Variants in PTPRN2 observed in about 807,000 individuals in gnomAD.
PTPRN2 encodes receptor-type tyrosine-protein phosphatase N2.
In PTPRN2, 74 loss-of-function variants were observed where a neutral mutation model predicts 118.8. The ratio of observed to expected loss-of-function variants is 0.62; its 90% CI spans 0.52 to 0.76. The LOEUF is 0.76. Ranked by LOEUF, PTPRN2 falls within the 30% of genes least tolerant of loss-of-function variation. The probability of loss-of-function intolerance (pLI) is 0.00; values close to 1 mark genes in which losing one functional copy is unlikely to be tolerated. For synonymous variants in PTPRN2, 641 were observed against 608.0 expected (o/e 1.05, Z -0.80); for missense variants, 1,481 against 1,394.4 (o/e 1.06, Z -0.99).
intron 11 of PTPRN2, among the ~76,000 whole-genome samples, chr7:157,999,267 C>T (rs1470656682): frequency 1.3e-5 from 2 of 152,168 alleles, no homozygotes; most frequent in African/African-American, 4.8e-5. Context: ...GGGTTCTAGT[C>T]GGCTTGTCCA....
intron 2 of PTPRN2, among the ~76,000 whole-genome samples, chr7:158,334,437 C>A (rs1295336183): frequency 1.4e-5 from 1 of 73,788 alleles, no homozygotes; most frequent in Non-Finnish European, 3.0e-5. Flanking sequence ...CTCACACCCA[C>A]ACTCTCACCA....
rs1800490675 is a variant in PTPRN2, at chr7:158,296,262, G to T, written c.277+20557C>A. Among the ~76,000 whole-genome samples, 2 of 152,088 alleles carry T rather than the reference G, an allele frequency of 1.3e-5. 1 individual carries two copies. Among genetic ancestry groups the T allele is most frequent in the South Asian group, 4.1e-4 (2 of 4,824 alleles). ...AGACACAAGGGCTGGATGTCAAGAGGAGCACACCGGCAGAAGAACTCACTG... is the reference window on the plus strand; with the variant it reads ...AGACACAAGGGCTGGATGTCAAGAGTAGCACACCGGCAGAAGAACTCACTG... On this transcript the variant is annotated intron_variant, in intron 3 of 22. Transcript: ENST00000389418.
intron 11 of PTPRN2, among the ~76,000 whole-genome samples, chr7:157,952,478 G>T (rs567416722): frequency 6.6e-6 from 1 of 151,528 alleles, no homozygotes; most frequent in East Asian, 2.0e-4. Context: ...GGGGACACAG[G>T]GAGACAGGCG....
At chr7:158,145,818 G>T (rs1250784752) in intron 6 of PTPRN2, among the ~76,000 whole-genome samples, 1 of 152,144 alleles carries the variant, frequency 6.6e-6, no homozygotes, top group Non-Finnish European at 1.5e-5. Flanking sequence ...GTGCTGCCCT[G>T]CCCTGGGGGA....
intron 14 of PTPRN2, among the ~76,000 whole-genome samples, chr7:157,654,607 G>T (rs892536498): frequency 6.6e-6 from 1 of 152,202 alleles, no homozygotes; most frequent in Non-Finnish European, 1.5e-5. Context: ...CCCCAACAGG[G>T]TGTCTGGAGT....
intron 3 of PTPRN2, among the ~76,000 whole-genome samples, chr7:158,281,381 C>T (rs1320950688): frequency 6.6e-6 from 1 of 152,184 alleles, no homozygotes; most frequent in African/African-American, 2.4e-5. Flanking sequence ...TCCTAAATAA[C>T]AAAGGCAAAT....
chr7:158,295,824 G>C (rs1800464784), intron 3 of PTPRN2, among the ~76,000 whole-genome samples: 1 of 152,264 alleles, frequency 6.6e-6, no homozygotes, highest in Non-Finnish European at 1.5e-5. Flanking sequence ...GGCGCCCGCT[G>C]ACCCTGCCTG....
intron 1 of PTPRN2, among the ~76,000 whole-genome samples, chr7:158,542,835 A>G (rs1826066861): frequency 6.6e-6 from 1 of 152,110 alleles, no homozygotes; most frequent in Non-Finnish European, 1.5e-5. Flanking sequence ...AATGCTGTGG[A>G]ATTCCAAAGC....
intron 3 of PTPRN2, among the ~76,000 whole-genome samples, chr7:158,257,142 G>A (rs1337570598): frequency 1.3e-5 from 2 of 152,186 alleles, no homozygotes; most frequent in African/African-American, 4.8e-5. Context: ...GCTCAAAGAG[G>A]TTTCGAGTAT....
chr7:158,031,653 C>T (rs1384332986), intron 11 of PTPRN2, among the ~76,000 whole-genome samples: 2 of 152,172 alleles, frequency 1.3e-5, no homozygotes, highest in African/African-American at 4.8e-5. Context: ...AGAGGATATT[C>T]TCCAGGAAGA....
chr7:158,509,524 AAGTTAAAGATCAAGGTGACACAGAACCAG>A lies in PTPRN2; in HGVS notation c.113-19768_113-19740del, dbSNP rs1469075639. Among the ~76,000 whole-genome samples, 8 of 152,192 alleles carry A rather than the reference AAGTTAAAGATCAAGGTGACACAGAACCAG, an allele frequency of 5.3e-5. No homozygotes were observed. Among genetic ancestry groups the A allele is most frequent in the Admixed American group, 4.6e-4 (7 of 15,276 alleles). On this transcript the variant is annotated intron_variant, in intron 1 of 22. Transcript: ENST00000389418. The surrounding 1 kb of genome is among the most constrained non-coding windows in gnomAD (Gnocchi z 4.4). ...CCTCATCTCTTCTTTCTAGAAACCCAAGTTAAAGATCAAGGTGACACAGAACCAGAGCTTAGCAGCCAAAATCAGAATAG... is the reference window on the plus strand; with the variant it reads ...CCTCATCTCTTCTTTCTAGAAACCCAAGCTTAGCAGCCAAAATCAGAATAG...
chr7:157,989,621 G>A (rs1281911007), intron 11 of PTPRN2, among the ~76,000 whole-genome samples: 2 of 151,130 alleles, frequency 1.3e-5, no homozygotes, highest in Admixed American at 6.6e-5. Flanking sequence ...GATGAGGGGG[G>A]TGGGTGCCTT....
intron 14 of PTPRN2, among the ~76,000 whole-genome samples, chr7:157,637,762 G>A (rs147696556): frequency 6.5e-4 from 99 of 152,288 alleles, no homozygotes; most frequent in African/African-American, 2.3e-3. Context: ...GAGGAGGGGC[G>A]GTTGCCAGGC....
At chr7:157,933,809 C>T (rs1463941806) in intron 11 of PTPRN2, among the ~76,000 whole-genome samples, 298 of 42,774 alleles carry the variant, frequency 7.0e-3, no homozygotes, top group Admixed American at 9.8e-3. Flanking sequence ...TGATTGACAG[C>T]TTTAGAGGAA....
At chr7:158,006,724 G>A (rs1224262297) in intron 11 of PTPRN2, among the ~76,000 whole-genome samples, 1 of 152,168 alleles carries the variant, frequency 6.6e-6, no homozygotes, top group Non-Finnish European at 1.5e-5. Flanking sequence ...AGGAAGGTAG[G>A]CCCAGGGTCC....
intron 11 of PTPRN2, among the ~76,000 whole-genome samples, chr7:157,939,049 T>C (rs1184852689): frequency 2.6e-5 from 4 of 151,998 alleles, no homozygotes; most frequent in Non-Finnish European, 4.4e-5. Flanking sequence ...TCAGATAAAG[T>C]AAAGTAAAGC....
At chr7:158,485,678 G>T (rs904173855) in intron 2 of PTPRN2, among the ~76,000 whole-genome samples, 2 of 151,638 alleles carry the variant, frequency 1.3e-5, no homozygotes, top group Admixed American at 1.3e-4. Flanking sequence ...GAGCTCAAAG[G>T]GAATGGTGGT....
chr7:157,567,765 C>T lies in PTPRN2; in HGVS notation c.2902+1137G>A, dbSNP rs754116326. ...GTTTATTCACAGCTGGGAAAGAGAC[C>T]GTAGGATGCTACCACCTCGGTGCCT... On this transcript the variant is annotated intron_variant, in intron 21 of 22. Transcript: ENST00000389418. Among the ~76,000 whole-genome samples, 166 of 152,184 alleles carry T rather than the reference C, an allele frequency of 1.1e-3. 1 individual carries two copies. The highest frequency in any genetic ancestry group is 1.7e-3 in the Non-Finnish European group (115 of 68,000).
chr7:157,744,183 G>A (rs1196945471), intron 12 of PTPRN2, among the ~76,000 whole-genome samples: 1 of 152,216 alleles, frequency 6.6e-6, no homozygotes, highest in Non-Finnish European at 1.5e-5. Flanking sequence ...GAATCAGAGC[G>A]TAAACAAGCG....
Sources: gnomAD v4.1 joint callset for allele counts (sites outside exome capture counted in the v4.1 genomes callset) on GRCh38, gnomAD v4.1.1 for gene constraint, Gnocchi (gnomAD v3.1) non-coding constraint, MANE v1.5 for transcripts, NCBI Gene and HGNC (gene_info 2026-07-23, HGNC 2026-07-21) for gene names.